The following SHANK2 variants were observed in gnomAD, a reference collection of about 807,000 sequenced individuals.
SHANK2 encodes the protein SH3 and multiple ankyrin repeat domains protein 2.
Under a neutral mutation model 133.7 loss-of-function variants are expected in SHANK2, and 43 were observed. That is an observed-to-expected ratio of 0.32 (90% CI 0.25 to 0.41). The LOEUF (loss-of-function observed/expected upper bound fraction) is 0.41. SHANK2 is among the 10% of genes least tolerant of loss of function. The pLI, the probability that SHANK2 is intolerant of heterozygous loss-of-function variation, is 1.00. For missense variants in SHANK2, 1,994 were observed against 2,235.8 expected, an observed-to-expected ratio of 0.89 and a Z score of 2.18; for synonymous variants, 1,017 against 952.8, an observed-to-expected ratio of 1.07 and a Z score of -1.24.
In SHANK2 at chr11:71,221,729, G is replaced by A. The variant is rs149243978; in HGVS notation, c.-13+2968C>T. ...CTGGCTGCTCACTAAATTACCCCTCGAGGGCAATTTTCCAGTTTTTTTCTG... is the reference window on the plus strand; with the variant it reads ...CTGGCTGCTCACTAAATTACCCCTCAAGGGCAATTTTCCAGTTTTTTTCTG... On this transcript the variant is annotated intron_variant, in intron 2 of 25. Transcript: ENST00000601538. Among the ~76,000 whole-genome samples, 9 of 152,166 alleles carry A rather than the reference G, an allele frequency of 5.9e-5. No homozygotes were observed. In the East Asian group the frequency reaches 7.7e-4, roughly 13 times the overall value.
At chr11:71,174,203 GA>G (rs1953373558) in intron 2 of SHANK2, among the ~76,000 whole-genome samples, 1 of 152,206 alleles carries the variant, frequency 6.6e-6, no homozygotes, top group Non-Finnish European at 1.5e-5. Flanking sequence ...AAGGTGCTTA[GA>G]AGCCACTGAT....
At chr11:70,643,051 G>A (rs1192994262) in intron 17 of SHANK2, among the ~76,000 whole-genome samples, 2 of 152,102 alleles carry the variant, frequency 1.3e-5, no homozygotes, top group Non-Finnish European at 2.9e-5. Flanking sequence ...ACATGGGCCC[G>A]TACATATGTA....
chr11:70,593,521 C>A (rs1172057021), intron 17 of SHANK2, among the ~76,000 whole-genome samples: 1 of 152,182 alleles, frequency 6.6e-6, no homozygotes, highest in Non-Finnish European at 1.5e-5. Context: ...GCTACCTCGC[C>A]TGCCTGCCCC....
At chr11:70,914,341 T>C (rs1950238191) in intron 10 of SHANK2, among the ~76,000 whole-genome samples, 2 of 151,510 alleles carry the variant, frequency 1.3e-5, no homozygotes, top group African/African-American at 4.9e-5. Context: ...GCATGAGCAA[T>C]ACCCAGGCTT....
intron 14 of SHANK2, among the ~76,000 whole-genome samples, chr11:70,774,063 G>C (rs1947310126): frequency 6.6e-6 from 1 of 152,152 alleles, no homozygotes; most frequent in South Asian, 2.1e-4. Flanking sequence ...AACAACCAAA[G>C]TGTCCATCTT....
At chr11:70,496,647 A>G (rs1441584388) in intron 21 of SHANK2, among the ~76,000 whole-genome samples, 1 of 152,198 alleles carries the variant, frequency 6.6e-6, no homozygotes, top group Non-Finnish European at 1.5e-5. Context: ...CGAAGGGAAA[A>G]CATTTCAGGT....
intron 3 of SHANK2, among the ~76,000 whole-genome samples, chr11:71,120,819 G>A (rs142380223): frequency 2.6e-3 from 393 of 152,250 alleles, no homozygotes; most frequent in African/African-American, 8.9e-3. Flanking sequence ...ATCCTTCTAG[G>A]CCCCTCCAAT....
intron 1 of SHANK2, among the ~76,000 whole-genome samples, chr11:71,231,434 T>C (rs1240477149): frequency 1.3e-5 from 2 of 152,288 alleles, no homozygotes; most frequent in Admixed American, 6.5e-5. Flanking sequence ...AAGAATCACA[T>C]TGCCGGTGGA....
At chr11:70,480,267 G>T (rs1555151202) in intron 25 of SHANK2, among the ~76,000 whole-genome samples, 1 of 152,204 alleles carries the variant, frequency 6.6e-6, no homozygotes, top group Non-Finnish European at 1.5e-5. Flanking sequence ...TTTCTGCAAG[G>T]TTGGCTCCTT....
At chr11:70,818,976 G>A (rs1555055116) in intron 12 of SHANK2, among the ~76,000 whole-genome samples, 1 of 152,212 alleles carries the variant, frequency 6.6e-6, no homozygotes, top group Admixed American at 6.5e-5. Context: ...AGGGGTGGTG[G>A]CGGTCTTCCT....
intron 3 of SHANK2, among the ~76,000 whole-genome samples, chr11:71,139,884 C>G (rs1439996710): frequency 6.6e-5 from 10 of 152,230 alleles, no homozygotes; most frequent in Non-Finnish European, 1.3e-4. Flanking sequence ...GGGTGAGGCT[C>G]AGAAACAGCA....
At chr11:71,240,663 T>A (rs1954878208) in intron 1 of SHANK2, 1 of 152,258 alleles carries the variant, frequency 6.6e-6, no homozygotes, top group Admixed American at 6.5e-5. Context: ...GCATGGGGGC[T>A]CATGCCTGTA....
chr11:70,823,523 G>C (rs113316337), intron 11 of SHANK2, among the ~76,000 whole-genome samples: 9 of 140,412 alleles, frequency 6.4e-5, no homozygotes, highest in East Asian at 2.2e-4. Context: ...GAGGGACAGA[G>C]GTGGCGCTGG....
At chr11:71,090,340 A>G in intron 8 of SHANK2, among the ~76,000 whole-genome samples, 1 of 47,872 alleles carries the variant, frequency 2.1e-5, no homozygotes, top group Non-Finnish European at 3.7e-5. Flanking sequence ...TCTCCAGAGA[A>G]ACACAACCTC....
intron 10 of SHANK2, among the ~76,000 whole-genome samples, chr11:70,951,406 CATT>C (rs2135896645): frequency 7.6e-6 from 1 of 131,640 alleles, no homozygotes; most frequent in African/African-American, 3.5e-5. Flanking sequence ...CTGGCTGTTG[CATT>C]GTGACATCAT....
intron 10 of SHANK2, chr11:70,911,219 G>C (rs1950187038): frequency 2.2e-6 from 1 of 455,738 alleles, no homozygotes; most frequent in African/African-American, 2.0e-5. Context: ...TGTTGTTGTT[G>C]TTCTTTTTGT....
chr11:71,103,569 G>C (rs1346415040), intron 6 of SHANK2, among the ~76,000 whole-genome samples: 1 of 152,188 alleles, frequency 6.6e-6, no homozygotes, highest in Admixed American at 6.5e-5. Flanking sequence ...GCTGATGACA[G>C]GAACATTCTG....
At chr11:70,771,362 T>C (rs528171489) in intron 14 of SHANK2, among the ~76,000 whole-genome samples, 1 of 152,170 alleles carries the variant, frequency 6.6e-6, no homozygotes, top group South Asian at 2.1e-4. Context: ...ACAGAAGTGG[T>C]GGGGGCAGCT....
At chr11:70,925,473 A>G (rs1031366577) in intron 10 of SHANK2, among the ~76,000 whole-genome samples, 2 of 152,226 alleles carry the variant, frequency 1.3e-5, no homozygotes, top group African/African-American at 2.4e-5. Flanking sequence ...CCATGTGTCC[A>G]TAATCAACAC....
Sources: gnomAD v4.1 joint callset for allele counts (sites outside exome capture counted in the v4.1 genomes callset) on GRCh38, gnomAD v4.1.1 for gene constraint, MANE v1.5 for transcripts, NCBI Gene and HGNC (gene_info 2026-07-23, HGNC 2026-07-21) for gene names.